The following CD33 variants were observed in gnomAD, a reference collection of about 807,000 sequenced individuals.
CD33 encodes myeloid cell surface antigen CD33.
Under a neutral mutation model 31.4 loss-of-function variants are expected in CD33, and 25 were observed. That is an observed-to-expected ratio of 0.80 (90% CI 0.58 to 1.11). The LOEUF (loss-of-function observed/expected upper bound fraction) is 1.11. Ranked by LOEUF, CD33 falls within the 50% of genes most tolerant of loss-of-function variation. The probability of loss-of-function intolerance (pLI) is 0.00; values close to 1 mark genes in which losing one functional copy is unlikely to be tolerated. For synonymous variants in CD33, 176 were observed against 180.6 expected, an observed-to-expected ratio of 0.97 and a Z score of 0.20; for missense variants, 407 against 448.1, an observed-to-expected ratio of 0.91 and a Z score of 0.83.
At position 51,235,962 on chromosome 19, in the gene CD33, T is replaced by A. The variant is rs1368036808; in HGVS notation, c.924+286T>A. On this transcript the variant is annotated intron_variant, in intron 6 of 6. Transcript: ENST00000262262. ...TCACGAGGTCAGGAGATTGAGACTA[T>A]CCTGGCTAACATGGTGAAACCCCGT... is the stretch of plus-strand genomic sequence containing the variant. The A allele has an allele frequency of 1.0e-5, 7 of 685,734 alleles. No individual in the cohort carries two copies. In the East Asian group the frequency reaches 1.6e-4, roughly 16 times the overall value. The allele number at this position is 685,734 out of a possible 1,614,324, so 42.5% of individuals were successfully genotyped here. A position where few individuals can be genotyped will look rare whatever the true frequency, so the allele number is the denominator to read the frequency against.
At chr19:51,226,428 T>C (rs1981042358) in intron 4 of CD33, 72 bp downstream of exon 4, 11 of 1,360,488 alleles carry the variant, frequency 8.1e-6, no homozygotes, top group Middle Eastern at 1.8e-4. Context: ...AGATCTGGAC[T>C]TTCAGAGTCA....
intron 4 of CD33, 71 bp downstream of exon 4, chr19:51,226,427 C>T: frequency 7.3e-7 from 1 of 1,362,996 alleles, no homozygotes; most frequent in Non-Finnish European, 1.0e-6. Flanking sequence ...CAGATCTGGA[C>T]TTTCAGAGTC....
Position 51,225,932 on chromosome 19 carries a change from C to T in CD33, c.548C>T (p.Ala183Val). The change falls in exon 3 of 7, where the codon GCC (alanine) becomes GTC (valine). Residue 183 changes from alanine (A) to valine (V), a missense_variant. Ala to Val is a moderately conservative substitution (Grantham distance 64, BLOSUM62 0). Coordinates refer to ENST00000262262, the MANE Select transcript of CD33 (RefSeq NM_001772.4). ...CCGATCTTCTCCTGGTTGTCAGCTG[C>T]CCCCACCTCCCTGGGCCCCAGGACT... is the stretch of plus-strand genomic sequence containing the variant. ...TPPIFSWLSA[A>V]PTSLGPRTTH... is the part of the protein sequence containing the mutation. 1 of 1,614,054 alleles carries T rather than the reference C, an allele frequency of 6.2e-7. No homozygotes were observed. The highest frequency in any genetic ancestry group is 8.5e-7 in the Non-Finnish European group (1 of 1,179,996).
intron 6 of CD33, chr19:51,236,099 A>C (rs968168763): frequency 4.3e-6 from 2 of 466,988 alleles, no homozygotes; most frequent in Non-Finnish European, 7.9e-6. Context: ...CAGAGCTTGT[A>C]GTGAGCCGAC....
intron 5 of CD33, 52 bp from the exon 6 acceptor site, chr19:51,235,542 TG>T: frequency 1.3e-6 from 2 of 1,572,002 alleles, no homozygotes; most frequent in Non-Finnish European, 1.7e-6. Context: ...CTCATAACAA[TG>T]GCCCCACAGC....
chr19:51,211,442 G>C, the CD33 span: 1 of 1,567,816 alleles, frequency 6.4e-7, no homozygotes, highest in Non-Finnish European at 8.6e-7. Flanking sequence ...GGCTGATTCC[G>C]CCTCCTTGGG....
upstream of CD33, among the ~76,000 whole-genome samples, chr19:51,220,444 T>C (rs1205198221): frequency 6.6e-6 from 1 of 152,216 alleles, no homozygotes; most frequent in Admixed American, 6.5e-5. Flanking sequence ...TTATTGTGGC[T>C]GGTGTCATTC....
At chr19:51,222,692 T>C (rs1440126028), upstream of CD33, among the ~76,000 whole-genome samples, 1 of 152,150 alleles carries the variant, frequency 6.6e-6, no homozygotes, top group Non-Finnish European at 1.5e-5. Context: ...TTGCCCAGCA[T>C]AGAAGGTGGG....
chr19:51,219,277 G>C, the CD33 span, among the ~76,000 whole-genome samples: 1 of 151,940 alleles, frequency 6.6e-6, no homozygotes, highest in Non-Finnish European at 1.5e-5. Flanking sequence ...GTATTTTTCT[G>C]TTGCAATTGA....
At chr19:51,214,717 T>C in the CD33 span, among the ~76,000 whole-genome samples, 10 of 152,250 alleles carry the variant, frequency 6.6e-5, no homozygotes, top group Non-Finnish European at 1.5e-4. Flanking sequence ...GCTCTTTATA[T>C]ATGTTGGATA....
upstream of CD33, among the ~76,000 whole-genome samples, chr19:51,222,362 A>G (rs1599863394): frequency 6.6e-6 from 1 of 152,330 alleles, no homozygotes; most frequent in East Asian, 1.9e-4. Flanking sequence ...TAAACTTACA[A>G]GTAGTCATTA....
rs774606283 is a variant in CD33, at chr19:51,239,558, C to T, written c.965C>T (p.Thr322Ile). ...TCCAAGTTACATGGCCCCACTGAAA[C>T]CTCAAGCTGTTCAGGTGCCGCCCCT... ...KKSKLHGPTE[T>I]SSCSGAAPTV... is the part of the protein sequence containing the mutation. Residue 322 changes from threonine (T) to isoleucine (I), a missense_variant, in exon 7 of 7, where the codon ACC becomes ATC. Thr to Ile is a moderately conservative substitution (Grantham distance 89). Transcript: ENST00000262262. 2 of 1,612,738 alleles carry T rather than the reference C, an allele frequency of 1.2e-6. No homozygotes were observed. Among genetic ancestry groups the T allele is most frequent in the Non-Finnish European group, 1.7e-6 (2 of 1,179,408 alleles).
the CD33 span, among the ~76,000 whole-genome samples, chr19:51,213,197 T>G: frequency 6.6e-6 from 1 of 152,340 alleles, no homozygotes; most frequent in South Asian, 2.1e-4. Flanking sequence ...CTTTTGGTTT[T>G]TGCCAATGTC....
chr19:51,226,377 C>T, intron 4 of CD33, 21 bp downstream of exon 4: 1 of 1,608,840 alleles, frequency 6.2e-7, no homozygotes, highest in African/African-American at 1.3e-5. Flanking sequence ...GCCTCCCCGC[C>T]TGGGGCTGTT....
Position 51,225,097 on chromosome 19 carries a change from C to T in CD33, c.-22C>T. 3 of 1,613,398 alleles carry T rather than the reference C, an allele frequency of 1.9e-6. No individual in the cohort carries two copies. The highest frequency in any genetic ancestry group is 1.7e-6 in the Non-Finnish European group (2 of 1,179,956). On this transcript the variant is annotated 5_prime_UTR_variant, in exon 1 of 7. Coordinates refer to ENST00000262262, the MANE Select transcript of CD33 (RefSeq NM_001772.4). ...CCTCTTTTCTGCTCACACAGGAAGC[C>T]CTGGAAGCTGCTTCCTCAGACATGC... is the stretch of plus-strand genomic sequence containing the variant.
the CD33 span, among the ~76,000 whole-genome samples, chr19:51,213,826 G>A: frequency 1.5e-5 from 2 of 136,906 alleles, no homozygotes; most frequent in South Asian, 2.4e-4. Context: ...GTGAACCACT[G>A]CGCCCAGCCT....
the CD33 span, chr19:51,211,099 T>C: frequency 1.6e-5 from 25 of 1,556,344 alleles, no homozygotes; most frequent in Non-Finnish European, 2.2e-5. Context: ...GGGAAGCCTC[T>C]GCCTCAGACA....
chr19:51,213,700 C>T, the CD33 span, among the ~76,000 whole-genome samples: 9 of 150,542 alleles, frequency 6.0e-5, no homozygotes, highest in African/African-American at 2.2e-4. Flanking sequence ...CAATGCCTGG[C>T]TATTTTTTTT....
intron 4 of CD33, among the ~76,000 whole-genome samples, chr19:51,229,111 T>A (rs1981233303): frequency 6.6e-6 from 1 of 152,254 alleles, no homozygotes; most frequent in African/African-American, 2.4e-5. Context: ...CAATATTGAA[T>A]TTTAACACAT....
Sources: gnomAD v4.1 joint callset for allele counts (sites outside exome capture counted in the v4.1 genomes callset) on GRCh38, gnomAD v4.1.1 for gene constraint, MANE v1.5 for transcripts, NCBI Gene and HGNC (gene_info 2026-07-23, HGNC 2026-07-21) for gene names.